The following VPS39 variants were observed in gnomAD, a reference collection of about 807,000 sequenced individuals.
The protein encoded by VPS39 is VPS39 subunit of HOPS complex.
A neutral mutation model predicts 121.0 loss-of-function variants in VPS39; 70 were observed. The observed-to-expected ratio is 0.58, with a 90% CI of 0.48 to 0.71. The LOEUF is 0.71. VPS39 is among the 30% of genes least tolerant of loss of function. The pLI, the probability that VPS39 is intolerant of heterozygous loss-of-function variation, is 0.00. For missense variants in VPS39, 818 were observed against 1,051.5 expected, an observed-to-expected ratio of 0.78 and a Z score of 3.07; for synonymous variants, 378 against 398.1, an observed-to-expected ratio of 0.95 and a Z score of 0.60.
At chr15:42,165,696 T>C (rs781315267) in intron 17 of VPS39, 22 bp downstream of exon 17, 1 of 1,606,066 alleles carries the variant, frequency 6.2e-7, no homozygotes, top group South Asian at 1.1e-5. Flanking sequence ...AGCTTTTTAG[T>C]GCAGACCAAA....
intron 10 of VPS39, among the ~76,000 whole-genome samples, chr15:42,174,422 C>T (rs140091160): frequency 6.6e-6 from 1 of 152,116 alleles, no homozygotes; most frequent in East Asian, 1.9e-4. Context: ...TCATGAAAAA[C>T]AAGGAAAGAT....
chr15:42,167,256 A>G lies in VPS39; in HGVS notation c.1377+138T>C, dbSNP rs2049261777. The G allele has an allele frequency of 1.1e-5, 12 of 1,100,264 alleles. No homozygotes were observed. In the South Asian group the frequency reaches 2.0e-4, roughly 18 times the overall value. 68.2% of individuals were successfully genotyped at this position (1,100,264 alleles called of 1,614,324 possible). On this transcript the variant is annotated intron_variant, in intron 13 of 24. Coordinates refer to ENST00000318006, the MANE Select transcript of VPS39 (RefSeq NM_015289.5). ...TTCCAAGAGACTCACAGACATCAGG[A>G]GAAGTCTATATGGTTTCCAGAATCA...
chr15:42,161,159 G>T, intron 24 of VPS39: 1 of 364,100 alleles, frequency 2.7e-6, no homozygotes, highest in Non-Finnish European at 5.1e-6. Context: ...CATCAGAACA[G>T]GTTTCAGGCT....
rs1264389501 is a variant in VPS39, at chr15:42,208,260, C to A, written c.-107G>T. On this transcript the variant is annotated 5_prime_UTR_variant, in exon 1 of 25. Transcript: ENST00000318006. The stretch of plus-strand genomic sequence containing the variant: ...GGGTAGACCGGGATCCGGCCAGGAA[C>A]CCCCCGGCTACAGGCCCTTCAACAA... The A allele has an allele frequency of 4.2e-6, 6 of 1,419,806 alleles. No homozygotes were observed. In the African/African-American group the frequency reaches 7.1e-5, roughly 17 times the overall value. 88.0% of individuals were successfully genotyped at this position (1,419,806 alleles called of 1,614,324 possible).
chr15:42,195,950 A>G (rs1481410643), intron 2 of VPS39, among the ~76,000 whole-genome samples: 1 of 152,252 alleles, frequency 6.6e-6, no homozygotes, highest in African/African-American at 2.4e-5. Context: ...CCAAAACAGC[A>G]TGGTACTGGA....
At chr15:42,171,584 T>C (rs1484905718) in intron 11 of VPS39, among the ~76,000 whole-genome samples, 2 of 152,258 alleles carry the variant, frequency 1.3e-5, no homozygotes, top group African/African-American at 2.4e-5. Context: ...TGTGTGTCTA[T>C]ATGTAGTAAA....
rs201214739 is a variant in VPS39 at position 42,163,333 on chromosome 15, T to C, written c.2175+17A>G. The C allele has an allele frequency of 6.2e-7, 1 of 1,614,026 alleles. No homozygotes were observed. Among genetic ancestry groups the C allele is most frequent in the Non-Finnish European group, 8.5e-7 (1 of 1,180,024 alleles). ...GAGGTATGCACACGTGCTCCCTGGG[T>C]CAGGGTCACTACTCACATCTTTGTT... On this transcript the variant is annotated intron_variant, in intron 21 of 24. Transcript: ENST00000318006.
At chr15:42,205,677 T>C (rs181408435) in intron 1 of VPS39, among the ~76,000 whole-genome samples, 1 of 152,254 alleles carries the variant, frequency 6.6e-6, no homozygotes, top group African/African-American at 2.4e-5. Context: ...GAGTAGAGGA[T>C]GGAATCAGAT....
intron 5 of VPS39, among the ~76,000 whole-genome samples, chr15:42,188,416 C>G (rs2049749884): frequency 6.6e-6 from 1 of 152,188 alleles, no homozygotes; most frequent in African/African-American, 2.4e-5. Flanking sequence ...GATATCTTTT[C>G]TGAACAATGA....
intron 11 of VPS39, 141 bp from the exon 12 acceptor site, chr15:42,170,007 A>G (rs1376357091): frequency 7.0e-6 from 7 of 1,000,846 alleles, no homozygotes; most frequent in Non-Finnish European, 9.6e-6. Flanking sequence ...TAAACATTCA[A>G]CGAGCTGTAG....
Position 42,160,582 on chromosome 15 carries a change from T to A in VPS39, c.*172A>T. 1 of 638,186 alleles carries A rather than the reference T, an allele frequency of 1.6e-6. No homozygotes were observed. The highest frequency in any genetic ancestry group is 2.8e-6 in the Non-Finnish European group (1 of 355,264). The allele number at this position is 638,186 out of a possible 1,614,324, so 39.5% of individuals were successfully genotyped here. ...TCTTTTCCCATTAAAAAGCTGGCAA[T>A]GCCAGACCATGAGTCTAATTAATTC... On this transcript the variant is annotated 3_prime_UTR_variant, in exon 25 of 25. Coordinates refer to ENST00000318006, the MANE Select transcript of VPS39 (RefSeq NM_015289.5).
At position 42,178,449 on chromosome 15, in the gene VPS39, C is replaced by T. The variant is rs1229715731; in HGVS notation, c.839+1G>A. 7.4e-6 allele frequency: 12 copies of T among 1,614,056 alleles called. No homozygotes were observed. Among genetic ancestry groups the T allele is most frequent in the Non-Finnish European group, 9.3e-6 (11 of 1,180,044 alleles). Reference sequence around the variant, plus strand: ...CCATAGCAAAAAAAGAAATTCCTTACCCTCCTGAGGTAATGAAACGGGGCC... The same window carrying T: ...CCATAGCAAAAAAAGAAATTCCTTATCCTCCTGAGGTAATGAAACGGGGCC... On this transcript the variant is annotated splice_donor_variant, in intron 9 of 24. Transcript: ENST00000318006. LOFTEE classifies it high-confidence loss of function.
chr15:42,192,004 A>T (rs924501954), intron 2 of VPS39: 36 of 1,512,884 alleles, frequency 2.4e-5, no homozygotes, highest in Non-Finnish European at 3.1e-5. Flanking sequence ...TGTATCACGG[A>T]GACAGAGCAA....
At chr15:42,189,902 CCTT>C (rs1315775321) in intron 4 of VPS39, among the ~76,000 whole-genome samples, 1 of 147,300 alleles carries the variant, frequency 6.8e-6, no homozygotes, top group African/African-American at 2.5e-5. Context: ...GCCTTAACCT[CCTT>C]GAGACTCAAG....
chr15:42,189,757 G>T (rs1595673149), intron 4 of VPS39, among the ~76,000 whole-genome samples: 2 of 131,502 alleles, frequency 1.5e-5, no homozygotes. Context: ...AATTGGGGCT[G>T]ACTTGAGTAA....
chr15:42,161,760 C>T lies in VPS39; in HGVS notation c.2474G>A (p.Arg825Gln), dbSNP rs750086356. 8.7e-6 allele frequency: 14 copies of T among 1,614,036 alleles called. No homozygotes were observed. The highest frequency in any genetic ancestry group is 8.3e-5 in the Admixed American group (5 of 60,014). The change falls in exon 24 of 25, where the codon CGG (arginine) becomes CAG (glutamine). Residue 825 changes from arginine to glutamine, a missense_variant. Arg to Gln is a conservative substitution (Grantham distance 43). Transcript: ENST00000318006. ...GCACTTCACCTGCTGGTGTAAAATC[C>T]GCTCTTCCTGGACCTGGAAGAACAG... ...HAEFLRVQEE[R>Q]ILHQQVKCII...
intron 8 of VPS39, among the ~76,000 whole-genome samples, chr15:42,179,482 CAGG>C (rs1321990354): frequency 2.0e-5 from 3 of 150,972 alleles, no homozygotes; most frequent in Non-Finnish European, 4.4e-5. Context: ...GAGGCTGAGG[CAGG>C]AGAATGGCGT....
chr15:42,204,677 T>C (rs1566913954), intron 1 of VPS39, among the ~76,000 whole-genome samples: 1 of 152,038 alleles, frequency 6.6e-6, no homozygotes, highest in Non-Finnish European at 1.5e-5. Context: ...TAAAATAAAA[T>C]AAAATAAAAT....
In VPS39 at chr15:42,166,225, T is replaced by G; in HGVS notation, c.1614A>C (p.Glu538Asp). 2 of 1,614,210 alleles carry G rather than the reference T, an allele frequency of 1.2e-6. No individual in the cohort carries two copies. The highest frequency in any genetic ancestry group is 1.7e-6 in the Non-Finnish European group (2 of 1,180,030). ...TVQYLQHLGT[E>D]NLHLIFSYSV... ...AGTAGGAGAAAATCAAATGCAGGTT[T>G]TCTGTGCCTAGAAGGAAAAGCAGGA... Residue 538 changes from glutamate (E) to aspartate (D), a missense_variant, in exon 16 of 25, where the codon GAA becomes GAC. Transcript: ENST00000318006.
Sources: allele counts gnomAD v4.1 joint callset (sites outside exome capture counted in the v4.1 genomes callset), GRCh38; gene constraint gnomAD v4.1.1; transcripts MANE v1.5; gene names NCBI Gene and HGNC (gene_info 2026-07-23, HGNC 2026-07-21).